Variants in ARHGEF33 observed in about 807,000 individuals in gnomAD.
ARHGEF33 encodes the protein DH and coiled-coil domain-containing protein ENSP00000381780.
In ARHGEF33, 72 loss-of-function variants were observed where a neutral mutation model predicts 101.9. The ratio of observed to expected loss-of-function variants is 0.71; its 90% CI spans 0.58 to 0.86. The LOEUF (loss-of-function observed/expected upper bound fraction) is 0.86. Among genes scored for constraint, ARHGEF33 ranks in the 40% least tolerant of loss-of-function variants. The probability of loss-of-function intolerance (pLI) is 0.00; values close to 1 mark genes in which losing one functional copy is unlikely to be tolerated. For missense variants in ARHGEF33, 1,169 were observed against 1,111.3 expected (o/e 1.05, Z -0.74); for synonymous variants, 499 against 442.5 (o/e 1.13, Z -1.60).
At chr2:38,948,280 A>AT (rs973244413) in intron 10 of ARHGEF33, among the ~76,000 whole-genome samples, 1 of 152,150 alleles carries the variant, frequency 6.6e-6, no homozygotes, top group African/African-American at 2.4e-5. Flanking sequence ...CCCTTGTTAA[A>AT]TTTTTTTAAA....
At chr2:38,909,970 G>A (rs191411467) in intron 2 of ARHGEF33, among the ~76,000 whole-genome samples, 37 of 151,760 alleles carry the variant, frequency 2.4e-4, no homozygotes, top group Middle Eastern at 3.4e-3. Flanking sequence ...TTTAGAATAC[G>A]TATAGTTATT....
At chr2:38,950,839 C>T (rs1667581827) in intron 10 of ARHGEF33, 150 bp from the exon 11 acceptor site, 1 of 666,454 alleles carries the variant, frequency 1.5e-6, no homozygotes, top group African/African-American at 1.8e-5. Context: ...ATTAGGTGTG[C>T]AATGAAAAAC....
chr2:38,965,885 C>A, intron 16 of ARHGEF33, 121 bp from the exon 17 acceptor site: 3 of 1,203,772 alleles, frequency 2.5e-6, no homozygotes, highest in South Asian at 1.6e-5. Context: ...GGATTGGGTG[C>A]CCACTGGTAG....
chr2:38,912,735 A>G (rs151100037), intron 2 of ARHGEF33, among the ~76,000 whole-genome samples: 80 of 152,332 alleles, frequency 5.3e-4, no homozygotes, highest in African/African-American at 1.6e-3. Flanking sequence ...GCCAGGAGTA[A>G]TAAATGAAAG....
chr2:38,952,908 A>G (rs1356428139), intron 11 of ARHGEF33, among the ~76,000 whole-genome samples: 1 of 152,164 alleles, frequency 6.6e-6, no homozygotes. Context: ...CGTGTTGCCC[A>G]GGCTGGTCTC....
rs192361017 is a variant in ARHGEF33, at chr2:38,950,947, C to T, written c.921-42C>T. ...GTATTTTTGTAGGGTCCTTTCTTCT[C>T]TACACCTTGTTTGTGTGATTCCGTC... On this transcript the variant is annotated intron_variant, in intron 10 of 17. Coordinates refer to ENST00000409978, the MANE Select transcript of ARHGEF33 (RefSeq NM_001145451.5). 171 of 1,543,724 alleles carry T rather than the reference C, an allele frequency of 1.1e-4. No homozygotes were observed. The African/African-American group carries it at 1.8e-3, about 16-fold the overall frequency.
intron 16 of ARHGEF33, 57 bp from the exon 17 acceptor site, chr2:38,965,949 G>A (rs1668041638): frequency 1.3e-6 from 2 of 1,539,552 alleles, no homozygotes; most frequent in Admixed American, 4.0e-5. Context: ...CCCATAGTCA[G>A]GATCCATAAT....
chr2:38,920,398 C>CT lies in ARHGEF33; in HGVS notation c.26-950dup, dbSNP rs61429948. Among the ~76,000 whole-genome samples the CT allele has an allele frequency of 7.9e-3, 616 of 77,820 alleles. 22 individuals carry two copies. The highest frequency in any genetic ancestry group is 0.018 in the Middle Eastern group (2 of 114). The allele number at this position is 77,820 out of a possible 152,430, so 51.1% of individuals were successfully genotyped here. On this transcript the variant is annotated intron_variant, in intron 3 of 17. Coordinates refer to ENST00000409978, the MANE Select transcript of ARHGEF33 (RefSeq NM_001145451.5). ...TGGTTTCTTTTCTTTTCTTTCTTTCCTTTTTTTTTTTTTTTTTTTTTTTTT... is the reference window on the plus strand; with the variant it reads ...TGGTTTCTTTTCTTTTCTTTCTTTCCTTTTTTTTTTTTTTTTTTTTTTTTTT...
chr2:38,937,310 C>A, intron 8 of ARHGEF33, 25 bp from the exon 9 acceptor site: 3 of 581,136 alleles, frequency 5.2e-6, no homozygotes, highest in South Asian at 2.2e-5. Context: ...TCTTTGTTTC[C>A]CCGCCCCTCC....
Position 38,937,409 on chromosome 2 carries a change from C to T in ARHGEF33, c.640C>T (p.His214Tyr). The change falls in exon 9 of 18, where the codon CAT (histidine) becomes TAT (tyrosine). Residue 214 changes from histidine (H) to tyrosine (Y), a missense_variant. His to Tyr is a moderately conservative substitution (Grantham distance 83, BLOSUM62 2). Transcript: ENST00000409978. ...CLSADIQSKG[H>Y]LPSGMWRQPK... ...CTCGGCTGATATCCAGTCCAAGGGC[C>T]ATCTCCCATCTGGCATGTGGAGGCA... The T allele has an allele frequency of 1.3e-6, 2 of 1,547,046 alleles. No individual in the cohort carries two copies. The highest frequency in any genetic ancestry group is 1.7e-6 in the Non-Finnish European group (2 of 1,145,310).
chr2:38,929,878 C>T, intron 6 of ARHGEF33, 48 bp downstream of exon 6: 1 of 1,529,484 alleles, frequency 6.5e-7, no homozygotes, highest in Non-Finnish European at 8.8e-7. Context: ...TAAGCAATGG[C>T]TTCTGCAGAG....
chr2:38,906,728 G>A (rs1054844610), intron 2 of ARHGEF33, among the ~76,000 whole-genome samples: 1 of 151,266 alleles, frequency 6.6e-6, no homozygotes, highest in Non-Finnish European at 1.5e-5. Flanking sequence ...CAGGATTTTG[G>A]GAGGCCAGGG....
chr2:38,971,954 A>G, intron 17 of ARHGEF33: 2 of 718,570 alleles, frequency 2.8e-6, no homozygotes, highest in Non-Finnish European at 5.2e-6. Context: ...GGTAAACACT[A>G]AACAGTTGCA....
intron 2 of ARHGEF33, among the ~76,000 whole-genome samples, chr2:38,907,461 G>A (rs1275202891): frequency 6.6e-6 from 1 of 152,206 alleles, no homozygotes; most frequent in Non-Finnish European, 1.5e-5. Flanking sequence ...AGGGGCAGCA[G>A]TAACCTGGTT....
In ARHGEF33 at chr2:38,953,258, CAT is replaced by C; in HGVS notation, c.1137+20_1137+21del. 1 of 1,405,602 alleles carries C rather than the reference CAT, an allele frequency of 7.1e-7. No homozygotes were observed. Among genetic ancestry groups the C allele is most frequent in the Non-Finnish European group, 9.9e-7 (1 of 1,013,250 alleles). 87.1% of individuals were successfully genotyped at this position (1,405,602 alleles called of 1,614,324 possible). ...AGTCCTGAAAGAGGTGAGTTAACGC[CAT>C]ATATATGCTATCCTTCATCTGCACA... is the stretch of plus-strand genomic sequence containing the variant. On this transcript the variant is annotated intron_variant, in intron 12 of 17. Coordinates refer to ENST00000409978, the MANE Select transcript of ARHGEF33 (RefSeq NM_001145451.5).
At position 38,929,054 on chromosome 2, in the gene ARHGEF33, T is replaced by C; in HGVS notation, c.223T>C (p.Ser75Pro). 1 of 1,550,026 alleles carries C rather than the reference T, an allele frequency of 6.5e-7. No individual in the cohort carries two copies. Among genetic ancestry groups the C allele is most frequent in the Non-Finnish European group, 8.7e-7 (1 of 1,146,200 alleles). Reference sequence around the variant, plus strand: ...AGAAAAAGTTACTGAGATGAAGAATTCATTAAACTATTTCAAGGTAGGCCT... The same window carrying C: ...AGAAAAAGTTACTGAGATGAAGAATCCATTAAACTATTTCAAGGTAGGCCT... ...MEEKVTEMKN[S>P]LNYFKEELSN... Residue 75 changes from serine to proline, a missense_variant, in exon 5 of 18, where the codon TCA (serine) becomes CCA (proline). Physicochemically the swap from Ser to Pro is moderately conservative, Grantham distance 74. Transcript: ENST00000409978.
intron 2 of ARHGEF33, among the ~76,000 whole-genome samples, chr2:38,901,957 T>C (rs1666251863): frequency 6.6e-6 from 1 of 151,590 alleles, no homozygotes; most frequent in Non-Finnish European, 1.5e-5. Flanking sequence ...CTACTAAAAA[T>C]ACAAAAAATT....
intron 10 of ARHGEF33, among the ~76,000 whole-genome samples, chr2:38,947,181 A>G (rs1239102154): frequency 4.6e-5 from 7 of 152,342 alleles, no homozygotes; most frequent in Middle Eastern, 6.8e-3. Flanking sequence ...CACTGCAAGT[A>G]CAACTTGACA....
rs1357520205 is a variant in ARHGEF33 at position 38,931,122 on chromosome 2, GAAGAGC to G, written c.378_383del (p.Glu126_His128delinsAsp). ...TCTCTTTCCTAGGAAAACTCAAAAAGAAGAGCACAGCTCACAGGCCGGGCCTGCCCA... is the reference window on the plus strand; with the variant it reads ...TCTCTTTCCTAGGAAAACTCAAAAAGACAGCTCACAGGCCGGGCCTGCCCA... On this transcript the variant is annotated inframe_deletion, in exon 7 of 18. Transcript: ENST00000409978. 2 of 1,547,344 alleles carry G rather than the reference GAAGAGC, an allele frequency of 1.3e-6. No homozygotes were observed. The highest frequency in any genetic ancestry group is 2.4e-5 in the South Asian group (2 of 83,170).
Sources: allele counts gnomAD v4.1 joint callset (sites outside exome capture counted in the v4.1 genomes callset), GRCh38; gene constraint gnomAD v4.1.1; transcripts MANE v1.5; gene names NCBI Gene and HGNC (gene_info 2026-07-23, HGNC 2026-07-21).